SYT17: variants seen among roughly 807,000 people sequenced by gnomAD.
SYT17 encodes the protein synaptotagmin-17.
In SYT17, 22 loss-of-function variants were observed where a neutral mutation model predicts 46.7. The observed-to-expected ratio is 0.47, with a 90% CI of 0.34 to 0.67. SYT17 has a LOEUF of 0.67. Ranked by LOEUF, SYT17 falls within the 30% of genes least tolerant of loss-of-function variation. SYT17 has a pLI of 0.01. For synonymous variants in SYT17, 251 were observed against 248.4 expected (o/e 1.01, Z -0.10); for missense variants, 519 against 612.8 (o/e 0.85, Z 1.62).
intron 7 of SYT17, among the ~76,000 whole-genome samples, chr16:19,231,957 C>T (rs921625675): frequency 6.6e-6 from 1 of 152,146 alleles, no homozygotes; most frequent in African/African-American, 2.4e-5. Flanking sequence ...GTGTCTGACC[C>T]AGTCTGTGGA....
intron 7 of SYT17, among the ~76,000 whole-genome samples, chr16:19,243,063 G>A (rs1597010342): frequency 2.0e-5 from 3 of 152,282 alleles, no homozygotes; most frequent in Non-Finnish European, 4.4e-5. Context: ...CCCATGCCCT[G>A]CATTAGAGCA....
Position 19,189,868 on chromosome 16 carries a change from T to G in SYT17, c.951+5721T>G, listed in dbSNP as rs140704756. ...AAAACCCATGTGGAAGATGAATGGG[T>G]GGCTTATGGGGCCAGCATATAGGCA... On this transcript the variant is annotated intron_variant, in intron 5 of 7. Coordinates refer to ENST00000355377, the MANE Select transcript of SYT17 (RefSeq NM_016524.4). Among the ~76,000 whole-genome samples the G allele has an allele frequency of 7.5e-3, 1,135 of 152,324 alleles. 10 individuals carry two copies. The highest frequency in any genetic ancestry group is 0.025 in the African/African-American group (1,058 of 41,576).
intron 7 of SYT17, among the ~76,000 whole-genome samples, chr16:19,254,512 A>C (rs1387959525): frequency 6.6e-6 from 1 of 152,200 alleles, no homozygotes; most frequent in South Asian, 2.1e-4. Context: ...CCTAAAGACA[A>C]AAATGAAATT....
At chr16:19,169,976 G>A (rs1488575633) in intron 1 of SYT17, 1 of 152,158 alleles carries the variant, frequency 6.6e-6, no homozygotes, top group Non-Finnish European at 1.5e-5. Flanking sequence ...ACTTGCCCAA[G>A]GCCACATAGC....
chr16:19,197,088 A>G (rs1372748510), intron 5 of SYT17, among the ~76,000 whole-genome samples: 2 of 152,210 alleles, frequency 1.3e-5, no homozygotes, highest in Non-Finnish European at 2.9e-5. Flanking sequence ...AGGTTTCTTA[A>G]TGAGAAATCC....
At chr16:19,186,702 A>C (rs1454840249) in intron 5 of SYT17, among the ~76,000 whole-genome samples, 2 of 152,166 alleles carry the variant, frequency 1.3e-5, no homozygotes, top group African/African-American at 4.8e-5. Context: ...CCTGATGATG[A>C]TGAGTGTTTT....
chr16:19,173,291 G>A, intron 2 of SYT17, 139 bp from the exon 3 acceptor site: 1 of 611,426 alleles, frequency 1.6e-6, no homozygotes, highest in East Asian at 2.9e-5. Context: ...GAGCAGCAGA[G>A]CCAGAACTCC....
intron 7 of SYT17, among the ~76,000 whole-genome samples, chr16:19,241,893 G>T (rs111713154): frequency 6.6e-6 from 1 of 152,170 alleles, no homozygotes. Context: ...CCCGTTCCCC[G>T]CAACTGCCCC....
At chr16:19,234,831 G>A (rs1016575154) in intron 7 of SYT17, among the ~76,000 whole-genome samples, 6 of 152,212 alleles carry the variant, frequency 3.9e-5, no homozygotes, top group African/African-American at 1.2e-4. Context: ...CTGTGAAAGA[G>A]TTGAAAACCT....
intron 5 of SYT17, among the ~76,000 whole-genome samples, chr16:19,199,736 C>G (rs920644161): frequency 3.7e-5 from 5 of 134,054 alleles, no homozygotes; most frequent in Admixed American, 7.7e-5. Context: ...GACCCTGTCT[C>G]AAGAAAACAA....
chr16:19,180,405 G>A lies in SYT17; in HGVS notation c.197G>A (p.Ser66Asn), dbSNP rs753643002. The A allele has an allele frequency of 1.2e-6, 2 of 1,614,084 alleles. No homozygotes were observed. Among genetic ancestry groups the A allele is most frequent in the Non-Finnish European group, 1.7e-6 (2 of 1,180,046 alleles). ...QTPPWLMASR[S>N]SDKDGDSVHT... The stretch of plus-strand genomic sequence containing the variant: ...CCTTCCTATAGGATGGCCAGCCGGA[G>A]CAGTGACAAGGATGGTGACTCTGTC... The change falls in exon 4 of 8, where the codon AGC becomes AAC. Residue 66 changes from serine (S) to asparagine (N), a missense_variant. By Grantham distance (46) the Ser-to-Asn change is conservative. Transcript: ENST00000355377.
chr16:19,183,420 AG>A lies in SYT17; in HGVS notation c.332-106del. On this transcript the variant is annotated intron_variant, in intron 4 of 7. Transcript: ENST00000355377. This position sits in a 1 kb window ranked among gnomAD's most constrained non-coding sequence, Gnocchi z 5.6. ...TTCAGAGTGTGGAGAAAGATGGCAA[AG>A]GTCATTCTGAAGCAGAGTAAACAAT... 1 of 1,439,618 alleles carries A rather than the reference AG, an allele frequency of 6.9e-7. No individual in the cohort carries two copies. The highest frequency in any genetic ancestry group is 2.3e-5 in the East Asian group (1 of 43,806). The allele number at this position is 1,439,618 out of a possible 1,614,324, so 89.2% of individuals were successfully genotyped here. A position where few individuals can be genotyped will look rare whatever the true frequency, so the allele number is the denominator to read the frequency against.
At chr16:19,196,247 T>A (rs967768026) in intron 5 of SYT17, among the ~76,000 whole-genome samples, 1 of 151,370 alleles carries the variant, frequency 6.6e-6, no homozygotes, top group African/African-American at 2.4e-5. Flanking sequence ...AGAAGAATTT[T>A]TTTTTTTTTT....
intron 7 of SYT17, among the ~76,000 whole-genome samples, chr16:19,258,794 T>A (rs2143000826): frequency 6.6e-6 from 1 of 152,246 alleles, no homozygotes. Context: ...GTCAGCAGTA[T>A]CAAGGGTGAG....
At chr16:19,180,210 T>C in intron 3 of SYT17, 181 bp from the exon 4 acceptor site, 1 of 590,438 alleles carries the variant, frequency 1.7e-6, no homozygotes, top group Non-Finnish European at 3.0e-6. Context: ...TTTCACATTT[T>C]GTGCAAAAAG....
chr16:19,259,495 G>T (rs968178881), intron 7 of SYT17, among the ~76,000 whole-genome samples: 1 of 152,124 alleles, frequency 6.6e-6, no homozygotes, highest in Non-Finnish European at 1.5e-5. Flanking sequence ...TTCTATTGTA[G>T]TTTTTTGAGT....
At chr16:19,254,141 A>G (rs917604326) in intron 7 of SYT17, among the ~76,000 whole-genome samples, 1 of 152,188 alleles carries the variant, frequency 6.6e-6, no homozygotes, top group African/African-American at 2.4e-5. Flanking sequence ...AAGTTGTTAA[A>G]GGTCTTCTTG....
At chr16:19,244,911 G>A (rs1967422045) in intron 7 of SYT17, among the ~76,000 whole-genome samples, 3 of 152,182 alleles carry the variant, frequency 2.0e-5, no homozygotes. Context: ...GAGAGGCTGG[G>A]AAATGTAGTC....
intron 5 of SYT17, among the ~76,000 whole-genome samples, chr16:19,214,280 G>A (rs912388276): frequency 6.6e-6 from 1 of 152,180 alleles, no homozygotes; most frequent in African/African-American, 2.4e-5. Context: ...AGATGGTCCT[G>A]CTTTCTGTTC....
Sources: allele counts gnomAD v4.1 joint callset (sites outside exome capture counted in the v4.1 genomes callset), GRCh38; gene constraint gnomAD v4.1.1; non-coding constraint Gnocchi (gnomAD v3.1); transcripts MANE v1.5; gene names NCBI Gene and HGNC (gene_info 2026-07-23, HGNC 2026-07-21).